ADD3: variants seen among roughly 807,000 people sequenced by gnomAD.
The protein encoded by ADD3 is gamma-adducin.
A neutral mutation model predicts 80.2 loss-of-function variants in ADD3; 25 were observed. The observed-to-expected ratio is 0.31, with a 90% CI of 0.23 to 0.44. ADD3 has a LOEUF of 0.44. Ranked by LOEUF, ADD3 falls within the 20% of genes least tolerant of loss-of-function variation. ADD3 has a pLI of 1.00. For synonymous variants in ADD3, 284 were observed against 289.6 expected (o/e 0.98, Z 0.20); for missense variants, 829 against 847.5 (o/e 0.98, Z 0.27).
chr10:110,111,969 A>G (rs993005876), intron 2 of ADD3, among the ~76,000 whole-genome samples: 19 of 152,142 alleles, frequency 1.2e-4, no homozygotes, highest in Non-Finnish European at 2.6e-4. Flanking sequence ...GAGTGATTAG[A>G]ACTCAACTCT....
intron 10 of ADD3, among the ~76,000 whole-genome samples, 167 bp downstream of exon 10, chr10:110,124,441 A>G (rs1301464501): frequency 6.6e-6 from 1 of 152,174 alleles, no homozygotes; most frequent in Non-Finnish European, 1.5e-5. Context: ...AGTGCCATAC[A>G]CGAATTTTCT....
At chr10:110,012,939 T>A (rs1225234050) in intron 1 of ADD3, among the ~76,000 whole-genome samples, 1 of 152,186 alleles carries the variant, frequency 6.6e-6, no homozygotes, top group Non-Finnish European at 1.5e-5. Context: ...GAGCCTTTAC[T>A]TGAAGTCAGA....
At chr10:110,125,778 T>C (rs1310376450) in intron 10 of ADD3, 48 bp from the exon 11 acceptor site, 1 of 1,451,102 alleles carries the variant, frequency 6.9e-7, no homozygotes, top group Non-Finnish European at 9.4e-7. Flanking sequence ...AATCTACTAA[T>C]ATTTTCTTAA....
intron 12 of ADD3, among the ~76,000 whole-genome samples, chr10:110,128,752 G>T (rs1367011227): frequency 6.6e-6 from 1 of 152,120 alleles, no homozygotes; most frequent in Non-Finnish European, 1.5e-5. Flanking sequence ...CTTATTCCCT[G>T]AATGTTCCTT....
chr10:110,129,952 A>G (rs1460400240), intron 12 of ADD3, among the ~76,000 whole-genome samples: 1 of 152,204 alleles, frequency 6.6e-6, no homozygotes, highest in Non-Finnish European at 1.5e-5. Context: ...AACAGCTACA[A>G]GCTTATTTTC....
At chr10:110,015,031 G>C (rs533028640) in intron 1 of ADD3, among the ~76,000 whole-genome samples, 2 of 151,826 alleles carry the variant, frequency 1.3e-5, no homozygotes, top group African/African-American at 4.8e-5. Context: ...GGGCCACCAC[G>C]CCTGGCTAAT....
At chr10:110,079,459 AGAGTGTGTGTGT>A (rs1157943388) in intron 1 of ADD3, among the ~76,000 whole-genome samples, 41 of 112,372 alleles carry the variant, frequency 3.6e-4, no homozygotes, top group South Asian at 1.9e-3. Context: ...AGAGAGAGAG[AGAGTGTGTGTGT>A]GTGTGTGTGT....
At chr10:110,093,749 C>T (rs1304628939) in intron 1 of ADD3, among the ~76,000 whole-genome samples, 1 of 152,108 alleles carries the variant, frequency 6.6e-6, no homozygotes, top group East Asian at 1.9e-4. Flanking sequence ...TCCTAATACT[C>T]TTTGTCTTTA....
At chr10:110,000,601 C>A (rs997075439) in intron 1 of ADD3, among the ~76,000 whole-genome samples, 6 of 152,190 alleles carry the variant, frequency 3.9e-5, no homozygotes, top group Non-Finnish European at 8.8e-5. Context: ...TCCACTTTTG[C>A]AGTTCCATAC....
intron 1 of ADD3, among the ~76,000 whole-genome samples, chr10:110,083,890 T>A (rs1487570601): frequency 6.6e-6 from 1 of 152,194 alleles, no homozygotes; most frequent in African/African-American, 2.4e-5. Flanking sequence ...ACAGAACCTT[T>A]CCTAGACAAT....
At chr10:110,072,331 C>T (rs1242023713) in intron 1 of ADD3, among the ~76,000 whole-genome samples, 1 of 152,204 alleles carries the variant, frequency 6.6e-6, no homozygotes, top group African/African-American at 2.4e-5. Flanking sequence ...TCCCAAAGTG[C>T]TGGGATTACA....
At chr10:110,013,119 T>C (rs1852524836) in intron 1 of ADD3, among the ~76,000 whole-genome samples, 1 of 152,242 alleles carries the variant, frequency 6.6e-6, no homozygotes, top group Admixed American at 6.5e-5. Flanking sequence ...TTGTTTTGTT[T>C]TGAGATGGAG....
chr10:110,090,204 G>A (rs1330163538), intron 1 of ADD3, among the ~76,000 whole-genome samples: 2 of 148,320 alleles, frequency 1.3e-5, no homozygotes, highest in African/African-American at 5.1e-5. Flanking sequence ...GATATAACAA[G>A]CACCTACTTG....
At chr10:109,998,625 C>T (rs973426924) in intron 1 of ADD3, among the ~76,000 whole-genome samples, 2 of 152,326 alleles carry the variant, frequency 1.3e-5, no homozygotes, top group South Asian at 4.1e-4. Context: ...CCAGCCCCCA[C>T]CTAGCTCTCC....
chr10:110,046,354 T>G (rs1257920646), intron 1 of ADD3, among the ~76,000 whole-genome samples: 3 of 152,108 alleles, frequency 2.0e-5, no homozygotes, highest in African/African-American at 7.2e-5. Context: ...CTGTTTATGC[T>G]ATCAGTAAGG....
intron 1 of ADD3, among the ~76,000 whole-genome samples, chr10:110,046,185 G>C (rs140456930): frequency 6.6e-6 from 1 of 152,058 alleles, no homozygotes; most frequent in Non-Finnish European, 1.5e-5. Context: ...CAAATGATTC[G>C]TCTTGTAAAC....
intron 1 of ADD3, among the ~76,000 whole-genome samples, chr10:110,084,623 A>G (rs1296951177): frequency 2.0e-5 from 3 of 152,224 alleles, no homozygotes; most frequent in South Asian, 2.1e-4. Flanking sequence ...ACCTTTCTCC[A>G]TATGAGAAAT....
chr10:110,124,718 T>C (rs1851923356), intron 10 of ADD3, among the ~76,000 whole-genome samples: 1 of 152,140 alleles, frequency 6.6e-6, no homozygotes, highest in Non-Finnish European at 1.5e-5. Context: ...TCACTGCACA[T>C]AGCTACCCTT....
rs530609437 is a variant in ADD3 at position 110,122,199 on chromosome 10, G to A, written c.1050G>A (p.Ala350=). The A allele has an allele frequency of 1.9e-5, 31 of 1,614,126 alleles. No individual in the cohort carries two copies. Among genetic ancestry groups the A allele is most frequent in the African/African-American group, 1.6e-4 (12 of 75,054 alleles). ...AAGCTTTCACTTACACTGTAGCAGCGTCTGGTGGAGGAGGTGTGAATATGG... is the reference window on the plus strand; with the variant it reads ...AAGCTTTCACTTACACTGTAGCAGCATCTGGTGGAGGAGGTGTGAATATGG... ...KYKAFTYTVA[A]SGGGGVNMGS... Residue 350 remains alanine (A), a synonymous_variant, in exon 9 of 15, where the codon GCG becomes GCA. Transcript: ENST00000356080.
Sources: allele counts gnomAD v4.1 joint callset (sites outside exome capture counted in the v4.1 genomes callset), GRCh38; gene constraint gnomAD v4.1.1; transcripts MANE v1.5; gene names NCBI Gene and HGNC (gene_info 2026-07-23, HGNC 2026-07-21).